Variants in ADD3 observed in about 807,000 individuals in gnomAD.
The protein encoded by ADD3 is adducin 3.
In ADD3, 25 loss-of-function variants were observed where a neutral mutation model predicts 80.2. That is an observed-to-expected ratio of 0.31 (90% confidence interval 0.23 to 0.44). The LOEUF (loss-of-function observed/expected upper bound fraction) is 0.44, where lower values mean the gene tolerates loss of function less well. ADD3 is among the 20% of genes least tolerant of loss of function. The pLI, the probability that ADD3 is intolerant of heterozygous loss-of-function variation, is 1.00. For missense variants in ADD3, 829 were observed against 847.5 expected (o/e 0.98, Z 0.27); for synonymous variants, 284 against 289.6 (o/e 0.98, Z 0.20).
chr10:110,076,143 CTTTAAT>C (rs1845350302), intron 1 of ADD3, among the ~76,000 whole-genome samples: 1 of 152,084 alleles, frequency 6.6e-6, no homozygotes, highest in Admixed American at 6.5e-5. Context: ...TTTACTCAAA[CTTTAAT>C]TTTATGATTA....
Position 110,119,509 on chromosome 10 carries a change from C to T in ADD3, c.905C>T (p.Thr302Ile). 6.2e-7 allele frequency: 1 copy of T among 1,614,138 alleles called. No individual in the cohort carries two copies. Among genetic ancestry groups the T allele is most frequent in the Non-Finnish European group, 8.5e-7 (1 of 1,180,008 alleles). The stretch of plus-strand genomic sequence containing the variant: ...CATGGTGTGGTTGCACTTGGAGAAA[C>T]ATTAGAGGAGGCTTTTCATTATATT... ...RNHGVVALGE[T>I]LEEAFHYIFN... Residue 302 changes from threonine to isoleucine, a missense_variant, in exon 8 of 15, where the codon ACA becomes ATA. Coordinates refer to ENST00000356080, the MANE Select transcript of ADD3 (RefSeq NM_016824.5).
intron 1 of ADD3, among the ~76,000 whole-genome samples, chr10:110,052,616 A>G (rs1857649549): frequency 6.6e-6 from 1 of 152,192 alleles, no homozygotes; most frequent in Non-Finnish European, 1.5e-5. Context: ...TTGGGGACCG[A>G]TGGTCTATGC....
At chr10:110,000,217 G>A (rs1054830451) in intron 1 of ADD3, among the ~76,000 whole-genome samples, 7 of 152,216 alleles carry the variant, frequency 4.6e-5, no homozygotes, top group Non-Finnish European at 7.3e-5. Flanking sequence ...ACCGCACCTG[G>A]CGTCTTAAGG....
chr10:110,063,726 A>G (rs1589942345), intron 1 of ADD3, among the ~76,000 whole-genome samples: 1 of 115,014 alleles, frequency 8.7e-6, no homozygotes, highest in Admixed American at 8.3e-5. Context: ...GAATATGAAT[A>G]TATATATTCA....
chr10:110,092,990 C>G (rs535015424), intron 1 of ADD3, among the ~76,000 whole-genome samples: 2 of 152,210 alleles, frequency 1.3e-5, no homozygotes, highest in Admixed American at 1.3e-4. Flanking sequence ...CTCTGAGTAG[C>G]TAGGATTACA....
intron 1 of ADD3, among the ~76,000 whole-genome samples, chr10:110,009,597 T>C (rs1239384543): frequency 6.6e-6 from 1 of 152,234 alleles, no homozygotes; most frequent in Non-Finnish European, 1.5e-5. Context: ...AAAGTTTTTA[T>C]ATCGAAGTCT....
intron 1 of ADD3, among the ~76,000 whole-genome samples, chr10:110,078,699 A>G (rs73351027): frequency 0.082 from 12,456 of 152,188 alleles, 1,645 homozygotes; most frequent in African/African-American, 0.28. Flanking sequence ...ATCATGACAC[A>G]CACGAACCAC....
intron 1 of ADD3, among the ~76,000 whole-genome samples, chr10:110,028,881 CTT>C (rs755564434): frequency 1.1e-4 from 16 of 140,226 alleles, no homozygotes; most frequent in Non-Finnish European, 1.2e-4. Context: ...CATCACTTTC[CTT>C]TTTTTTTTTT....
chr10:110,053,325 A>C (rs962734825), intron 1 of ADD3, among the ~76,000 whole-genome samples: 3 of 152,020 alleles, frequency 2.0e-5, no homozygotes, highest in African/African-American at 7.2e-5. Context: ...ATGATAATGG[A>C]ATATAAAATA....
In ADD3 at chr10:110,126,434, A is replaced by T; in HGVS notation, c.1539A>T (p.Arg513=). The change falls in exon 12 of 15, where the codon CGA becomes CGT. Residue 513 remains arginine (R), a synonymous_variant. Coordinates refer to ENST00000356080, the MANE Select transcript of ADD3 (RefSeq NM_016824.5). ...CAATTCAGATTCGGGAACAAAATCG[A>T]TATGACTTGAAAACAGCAGGACCAC... ...EKRNKIREQN[R]YDLKTAGPQS... 1 of 1,613,612 alleles carries T rather than the reference A, an allele frequency of 6.2e-7. No homozygotes were observed. The highest frequency in any genetic ancestry group is 8.5e-7 in the Non-Finnish European group (1 of 1,179,898).
At chr10:110,103,664 T>C (rs968269326) in intron 2 of ADD3, among the ~76,000 whole-genome samples, 7 of 152,266 alleles carry the variant, frequency 4.6e-5, no homozygotes, top group Middle Eastern at 3.4e-3. Context: ...GAAATTAAGC[T>C]CCATCTTTTG....
At chr10:110,024,210 AGAATT>A (rs1564852356) in intron 1 of ADD3, among the ~76,000 whole-genome samples, 2 of 152,254 alleles carry the variant, frequency 1.3e-5, no homozygotes, top group Non-Finnish European at 2.9e-5. Context: ...GAATAACAAA[AGAATT>A]GAAGGCATTG....
intron 1 of ADD3, among the ~76,000 whole-genome samples, chr10:110,061,175 G>A (rs6584968): frequency 0.12 from 18,924 of 152,146 alleles, 3,761 homozygotes; most frequent in African/African-American, 0.42. Context: ...TAGAAAGATG[G>A]AGCCATGGTG....
At chr10:110,106,096 A>G (rs1364504286) in intron 2 of ADD3, 3 of 151,870 alleles carry the variant, frequency 2.0e-5, no homozygotes, top group Non-Finnish European at 4.4e-5. Flanking sequence ...GAGAGCTCTA[A>G]TAACATAATT....
intron 6 of ADD3, 42 bp from the exon 7 acceptor site, chr10:110,119,169 A>C (rs1281637516): frequency 6.2e-7 from 1 of 1,603,854 alleles, no homozygotes; most frequent in Non-Finnish European, 8.5e-7. Flanking sequence ...AAATGTATTT[A>C]GTAACCAAAT....
At position 110,119,271 on chromosome 10, in the gene ADD3, G is replaced by A. The variant is rs201055519; in HGVS notation, c.778G>A (p.Val260Ile). 1.9e-6 allele frequency: 3 copies of A among 1,614,168 alleles called. No individual in the cohort carries two copies. The East Asian group carries it at 6.7e-5, about 36-fold the overall frequency. ...ISQESLLLGD[V>I]AYYDYQGSLE... ...TCAAGAGTCTCTTCTTCTGGGAGAT[G>A]TTGCCTATTATGACTACCAAGGGTC... The change falls in exon 7 of 15, where the codon GTT becomes ATT. Residue 260 changes from valine (V) to isoleucine (I), a missense_variant. Physicochemically the swap from Val to Ile is conservative, Grantham distance 29. Coordinates refer to ENST00000356080, the MANE Select transcript of ADD3 (RefSeq NM_016824.5).
At chr10:110,005,295 C>T (rs1002117547), upstream of ADD3, among the ~76,000 whole-genome samples, 2 of 150,866 alleles carry the variant, frequency 1.3e-5, no homozygotes, top group South Asian at 2.1e-4. Context: ...CTCCTGACCT[C>T]GTGATCTACC....
chr10:110,055,777 T>C (rs1858111755), intron 1 of ADD3, among the ~76,000 whole-genome samples: 1 of 152,216 alleles, frequency 6.6e-6, no homozygotes, highest in African/African-American at 2.4e-5. Flanking sequence ...AAAGTTGTTT[T>C]GAGCATAAAA....
chr10:110,058,457 T>C (rs1858479519), intron 1 of ADD3, among the ~76,000 whole-genome samples: 1 of 152,204 alleles, frequency 6.6e-6, no homozygotes, highest in Non-Finnish European at 1.5e-5. Context: ...TCATTTCTAA[T>C]GTGTACCATC....
Sources: allele counts gnomAD v4.1 joint callset (sites outside exome capture counted in the v4.1 genomes callset), GRCh38; gene constraint gnomAD v4.1.1; transcripts MANE v1.5; gene names NCBI Gene and HGNC (gene_info 2026-07-23, HGNC 2026-07-21).